DGKB: variants seen among roughly 807,000 people sequenced by gnomAD.
DGKB encodes the protein 90 kDa diacylglycerol kinase.
In DGKB, 67 loss-of-function variants were observed where a neutral mutation model predicts 114.3. The observed-to-expected ratio is 0.59, with a 90% CI of 0.48 to 0.72. The LOEUF (loss-of-function observed/expected upper bound fraction) is 0.72, where lower values mean the gene tolerates loss of function less well. Ranked by LOEUF, DGKB falls within the 30% of genes least tolerant of loss-of-function variation. The pLI is 0.00. For missense variants in DGKB, 907 were observed against 975.2 expected, an observed-to-expected ratio of 0.93 and a Z score of 0.93; for synonymous variants, 398 against 323.1, an observed-to-expected ratio of 1.23 and a Z score of -2.49.
chr7:14,660,771 G>C (rs888109425), intron 13 of DGKB, among the ~76,000 whole-genome samples: 2 of 151,912 alleles, frequency 1.3e-5, no homozygotes, highest in Admixed American at 6.6e-5. Context: ...AAAGAACAAA[G>C]CTGGAGGCAT....
chr7:14,241,758 C>A (rs1793680389), intron 23 of DGKB, among the ~76,000 whole-genome samples: 2 of 151,818 alleles, frequency 1.3e-5, no homozygotes, highest in African/African-American at 4.8e-5. Flanking sequence ...ATTAGAGATA[C>A]AATATGCAAA....
intron 20 of DGKB, among the ~76,000 whole-genome samples, chr7:14,537,172 CACAA>C (rs1429971381): frequency 1.3e-5 from 2 of 151,926 alleles, no homozygotes; most frequent in Non-Finnish European, 1.5e-5. Flanking sequence ...TAAAACAAGA[CACAA>C]ACAAATGGAT....
chr7:14,378,108 C>A (rs984378783), intron 21 of DGKB, among the ~76,000 whole-genome samples: 8 of 152,102 alleles, frequency 5.3e-5, no homozygotes, highest in Non-Finnish European at 1.0e-4. Context: ...GGTGACTGAG[C>A]CAAAATTGTT....
intron 25 of DGKB, among the ~76,000 whole-genome samples, chr7:14,155,421 T>C (rs1782865766): frequency 6.6e-6 from 1 of 152,112 alleles, no homozygotes; most frequent in South Asian, 2.1e-4. Flanking sequence ...GAGCTAGGGA[T>C]ATTTTCAGGG....
intron 9 of DGKB, among the ~76,000 whole-genome samples, chr7:14,693,536 T>C (rs1585709961): frequency 6.6e-6 from 1 of 151,332 alleles, no homozygotes; most frequent in South Asian, 2.1e-4. Flanking sequence ...CAGGAAAAAC[T>C]TACGTTTATT....
chr7:14,817,792 A>T (rs1348110258), intron 2 of DGKB, among the ~76,000 whole-genome samples: 1 of 152,216 alleles, frequency 6.6e-6, no homozygotes, highest in Non-Finnish European at 1.5e-5. Flanking sequence ...TCCCTGCCAC[A>T]GATATTGACA....
chr7:14,568,536 GAGA>G (rs879412816), intron 20 of DGKB, among the ~76,000 whole-genome samples: 6 of 152,176 alleles, frequency 3.9e-5, no homozygotes, highest in Admixed American at 3.9e-4. Context: ...TTGTTGAATA[GAGA>G]AGGTTATCTG....
intron 23 of DGKB, among the ~76,000 whole-genome samples, chr7:14,268,504 G>A (rs40450): frequency 0.55 from 83,527 of 152,126 alleles, 25,348 homozygotes; most frequent in East Asian, 0.99. Context: ...TACCCAAAGA[G>A]TTCTCAGAAT....
At chr7:14,908,241 G>C (rs958571833), upstream of DGKB, among the ~76,000 whole-genome samples, 5 of 152,158 alleles carry the variant, frequency 3.3e-5, no homozygotes, top group Admixed American at 3.3e-4. Context: ...AAACTACATA[G>C]GCCAATTTAA....
At chr7:14,577,495 T>C (rs1799319949) in intron 19 of DGKB, among the ~76,000 whole-genome samples, 1 of 151,960 alleles carries the variant, frequency 6.6e-6, no homozygotes. Flanking sequence ...CGGGCGCCCG[T>C]AGTACCAGCT....
intron 5 of DGKB, among the ~76,000 whole-genome samples, chr7:14,735,451 G>A (rs1199423687): frequency 6.6e-6 from 1 of 152,026 alleles, no homozygotes; most frequent in East Asian, 1.9e-4. Context: ...CAATTACACT[G>A]TTTTACATTG....
At chr7:14,356,682 T>C (rs767669999) in intron 21 of DGKB, among the ~76,000 whole-genome samples, 2 of 152,102 alleles carry the variant, frequency 1.3e-5, no homozygotes, top group Non-Finnish European at 2.9e-5. Context: ...TTCTTTTAAT[T>C]ATGATGTTAG....
At chr7:14,733,466 T>A (rs1295135993) in intron 5 of DGKB, among the ~76,000 whole-genome samples, 1 of 152,090 alleles carries the variant, frequency 6.6e-6, no homozygotes, top group Non-Finnish European at 1.5e-5. Context: ...GCGGGCAGAT[T>A]GCTTGAGGCC....
chr7:14,344,774 C>T (rs1174082598), intron 22 of DGKB, among the ~76,000 whole-genome samples: 4 of 150,846 alleles, frequency 2.7e-5, no homozygotes, highest in East Asian at 2.0e-4. Context: ...GCTATCTTTG[C>T]TCTCTTTCTT....
intron 21 of DGKB, among the ~76,000 whole-genome samples, chr7:14,412,713 G>A (rs1176608581): frequency 6.6e-6 from 1 of 152,044 alleles, no homozygotes; most frequent in Non-Finnish European, 1.5e-5. Context: ...CAGGCACGGT[G>A]GCTCACGCCT....
In DGKB at chr7:14,658,916, C is replaced by A. The variant is rs536803034; in HGVS notation, c.1134+14013G>T. On this transcript the variant is annotated intron_variant, in intron 13 of 25. Transcript: ENST00000402815. ...ATTAACTCTATTCTTCTTTTTTAAACTTTACTTTAAAGTTCTGGGATACAT... is the reference window on the plus strand; with the variant it reads ...ATTAACTCTATTCTTCTTTTTTAAAATTTACTTTAAAGTTCTGGGATACAT... Among the ~76,000 whole-genome samples the A allele has an allele frequency of 2.3e-3, 345 of 151,692 alleles. 2 individuals are homozygous for A. Among genetic ancestry groups the A allele is most frequent in the Non-Finnish European group, 1.7e-3 (113 of 67,906 alleles).
intron 21 of DGKB, among the ~76,000 whole-genome samples, chr7:14,390,902 G>T (rs187252859): frequency 1.3e-5 from 2 of 152,274 alleles, no homozygotes; most frequent in Admixed American, 6.5e-5. Context: ...TTATATTAAT[G>T]CCTAATATTG....
intron 20 of DGKB, among the ~76,000 whole-genome samples, chr7:14,537,881 G>A (rs574868734): frequency 1.3e-3 from 192 of 152,220 alleles, no homozygotes; most frequent in Non-Finnish European, 2.0e-3. Context: ...GGAAGTTTGA[G>A]ACCAGGCTGA....
At chr7:14,308,761 A>G (rs573300032) in intron 23 of DGKB, among the ~76,000 whole-genome samples, 1 of 152,352 alleles carries the variant, frequency 6.6e-6, no homozygotes, top group South Asian at 2.1e-4. Flanking sequence ...AAGTGAAGAA[A>G]GCCCTTAGAG....
Sources: gnomAD v4.1 joint callset for allele counts (sites outside exome capture counted in the v4.1 genomes callset) on GRCh38, gnomAD v4.1.1 for gene constraint, MANE v1.5 for transcripts, NCBI Gene and HGNC (gene_info 2026-07-23, HGNC 2026-07-21) for gene names.